NCOA1: variants seen among roughly 807,000 people sequenced by gnomAD.
The protein encoded by NCOA1 is Hin-2 protein.
A neutral mutation model predicts 150.9 loss-of-function variants in NCOA1; 35 were observed. The ratio of observed to expected loss-of-function variants is 0.23; its 90% confidence interval spans 0.18 to 0.31. The LOEUF is 0.31. NCOA1 is among the 10% of genes least tolerant of loss of function. The pLI, the probability that NCOA1 is intolerant of heterozygous loss-of-function variation, is 1.00. For missense variants in NCOA1, 1,491 were observed against 1,749.3 expected (o/e 0.85, Z 2.63); for synonymous variants, 590 against 630.0 (o/e 0.94, Z 0.95).
At position 24,705,243 on chromosome 2, in the gene NCOA1, A is replaced by G; in HGVS notation, c.1097+10A>G. ...TTCATATCATCGACAGGTACTACTT[A>G]TTTGGAGAGCTTCATATGAAATAAG... On this transcript the variant is annotated intron_variant, in intron 12 of 22. Coordinates refer to ENST00000348332, the MANE Select transcript of NCOA1 (RefSeq NM_003743.5). The G allele has an allele frequency of 1.9e-6, 3 of 1,612,774 alleles. No individual in the cohort carries two copies. The South Asian group carries it at 3.3e-5, about 18-fold the overall frequency.
chr2:24,494,126 T>C (rs1407549111), intron 1 of NCOA1, among the ~76,000 whole-genome samples: 1 of 152,224 alleles, frequency 6.6e-6, no homozygotes, highest in Non-Finnish European at 1.5e-5. Flanking sequence ...CGGTCTTCAC[T>C]AGGACTAAAT....
chr2:24,547,950 C>T (rs1412241023), intron 1 of NCOA1, among the ~76,000 whole-genome samples: 2 of 125,534 alleles, frequency 1.6e-5, no homozygotes, highest in Non-Finnish European at 3.1e-5. Flanking sequence ...GATCGCACCA[C>T]TGAACTCCAG....
intron 1 of NCOA1, among the ~76,000 whole-genome samples, chr2:24,540,827 C>CA (rs1311255376): frequency 6.6e-6 from 1 of 151,980 alleles, no homozygotes; most frequent in Non-Finnish European, 1.5e-5. Context: ...CATAAGGAGA[C>CA]AAACAAAAGA....
intron 1 of NCOA1, among the ~76,000 whole-genome samples, chr2:24,498,163 T>C (rs1053332547): frequency 1.3e-5 from 2 of 152,234 alleles, no homozygotes; most frequent in African/African-American, 4.8e-5. Context: ...CAAAAAGTTA[T>C]TTGTTCTGCA....
intron 3 of NCOA1, among the ~76,000 whole-genome samples, chr2:24,600,042 C>A (rs560698022): frequency 6.6e-6 from 1 of 152,008 alleles, no homozygotes; most frequent in South Asian, 2.1e-4. Flanking sequence ...TTTTTATATG[C>A]CTAAGCCTTA....
chr2:24,526,515 T>TA (rs150495565), intron 1 of NCOA1, among the ~76,000 whole-genome samples: 22,506 of 151,840 alleles, frequency 0.15, 2,015 homozygotes, highest in Non-Finnish European at 0.2. Flanking sequence ...CGACCTTTTT[T>TA]AAAAAAAATA....
chr2:24,577,274 C>T (rs1667029741), intron 2 of NCOA1, among the ~76,000 whole-genome samples: 1 of 152,132 alleles, frequency 6.6e-6, no homozygotes, highest in Non-Finnish European at 1.5e-5. Context: ...CACATATACT[C>T]ACACACAAAG....
At position 24,742,051 on chromosome 2, in the gene NCOA1, G is replaced by A. The variant is rs1663630349; in HGVS notation, c.3571G>A (p.Ala1191Thr). 1.9e-6 allele frequency: 3 copies of A among 1,614,070 alleles called. No homozygotes were observed. The highest frequency in any genetic ancestry group is 3.3e-5 in the Admixed American group (2 of 60,010). The change falls in exon 19 of 23, where the codon GCA becomes ACA. Residue 1191 changes from alanine (A) to threonine (T), a missense_variant. By Grantham distance (58) the Ala-to-Thr change is moderately conservative. Transcript: ENST00000348332. ...TTCTACCAGCCCGTTTTCACAACTA[G>A]CAGCAAATCCTGAAGCATCCTTGGC... ...PASTSPFSQL[A>T]ANPEASLANR...
At chr2:24,668,261 A>G (rs1671521240) in intron 6 of NCOA1, among the ~76,000 whole-genome samples, 1 of 152,190 alleles carries the variant, frequency 6.6e-6, no homozygotes, top group Non-Finnish European at 1.5e-5. Context: ...GATAAGAGAA[A>G]TAATGCAAAA....
chr2:24,760,453 G>A (rs964264913), intron 21 of NCOA1, among the ~76,000 whole-genome samples: 34 of 151,740 alleles, frequency 2.2e-4, no homozygotes, highest in African/African-American at 7.5e-4. Context: ...CACCGCGCCC[G>A]GCCTTGGCTT....
intron 13 of NCOA1, among the ~76,000 whole-genome samples, chr2:24,710,286 G>A (rs1267886701): frequency 1.3e-5 from 2 of 151,892 alleles, no homozygotes; most frequent in Non-Finnish European, 2.9e-5. Context: ...TAGAGACGGG[G>A]TTGCCATGTT....
At chr2:24,727,231 A>G (rs555251428) in intron 15 of NCOA1, among the ~76,000 whole-genome samples, 22 of 152,056 alleles carry the variant, frequency 1.4e-4, no homozygotes, top group African/African-American at 5.3e-4. Flanking sequence ...CAAGGCTAGT[A>G]TACGTTGTAA....
At chr2:24,636,937 A>G (rs1669962201) in intron 3 of NCOA1, among the ~76,000 whole-genome samples, 1 of 152,054 alleles carries the variant, frequency 6.6e-6, no homozygotes, top group African/African-American at 2.4e-5. Flanking sequence ...AAATTGACAA[A>G]TAATAATTGT....
chr2:24,670,465 C>G (rs1386315744), intron 6 of NCOA1, among the ~76,000 whole-genome samples: 1 of 152,082 alleles, frequency 6.6e-6, no homozygotes, highest in Non-Finnish European at 1.5e-5. Context: ...AGGACATATA[C>G]CACTATGAAG....
intron 3 of NCOA1, among the ~76,000 whole-genome samples, chr2:24,641,939 AT>A (rs1250528795): frequency 4.7e-5 from 7 of 150,380 alleles, no homozygotes; most frequent in Admixed American, 2.0e-4. Context: ...CCATAATACT[AT>A]TTCTGCCCCA....
chr2:24,673,372 C>A lies in NCOA1; in HGVS notation c.263C>A (p.Ser88Ter). 6.4e-7 allele frequency: 1 copy of A among 1,560,472 alleles called. No homozygotes were observed. Among genetic ancestry groups the A allele is most frequent in the East Asian group, 2.3e-5 (1 of 42,590 alleles). Residue 88 changes from serine (S) to a stop codon, truncating the protein, a stop_gained, in exon 7 of 23, where the codon TCA becomes TAA. Transcript: ENST00000348332. LOFTEE classifies it high-confidence loss of function. ...TTAAGTTTCTTTATTATAGAGAAAT[C>A]AACAACTGATGACGATGTACAGAAA... is the stretch of plus-strand genomic sequence containing the variant. ...QLMKRMEQEKSTTDDDVQKSD... is the reference protein window; with the variant it reads ...QLMKRMEQEK
At chr2:24,550,422 G>A (rs1285064127) in intron 1 of NCOA1, among the ~76,000 whole-genome samples, 1 of 152,174 alleles carries the variant, frequency 6.6e-6, no homozygotes, top group Non-Finnish European at 1.5e-5. Context: ...CAGAAGGGGA[G>A]GAGGAGTGAG....
chr2:24,742,295 G>C (rs1205574515), intron 19 of NCOA1, 109 bp downstream of exon 19: 1 of 1,319,164 alleles, frequency 7.6e-7, no homozygotes, highest in Non-Finnish European at 1.0e-6. Flanking sequence ...GAAGAGGAAA[G>C]ACACTGACGT....
Position 24,542,174 on chromosome 2 carries a change from A to G in NCOA1, c.-395-22121A>G, listed in dbSNP as rs140802361. Among the ~76,000 whole-genome samples, 179 of 152,326 alleles carry G rather than the reference A, an allele frequency of 1.2e-3. 1 individual carries two copies. The highest frequency in any genetic ancestry group is 4.0e-3 in the African/African-American group (166 of 41,562). The stretch of plus-strand genomic sequence containing the variant: ...TTGGTATATATAAATTGGGTGTTCT[A>G]AAAGAACAGAGATGATGCATAAGTA... On this transcript the variant is annotated intron_variant, in intron 1 of 22. Transcript: ENST00000348332.
Sources: gnomAD v4.1 joint callset for allele counts (sites outside exome capture counted in the v4.1 genomes callset) on GRCh38, gnomAD v4.1.1 for gene constraint, MANE v1.5 for transcripts, NCBI Gene and HGNC (gene_info 2026-07-23, HGNC 2026-07-21) for gene names.